LTBR: variants seen among roughly 807,000 people sequenced by gnomAD.
LTBR encodes the protein tumor necrosis factor receptor superfamily member 3.
LTBR carries 15 observed loss-of-function variants against 45.4 expected under a neutral mutation model. The ratio of observed to expected loss-of-function variants is 0.33; its 90% CI spans 0.22 to 0.51. The LOEUF is 0.51. LTBR is among the 20% of genes least tolerant of loss of function. The probability of loss-of-function intolerance (pLI) is 0.97; values close to 1 mark genes in which losing one functional copy is unlikely to be tolerated. For missense variants in LTBR, 450 were observed against 565.5 expected, an observed-to-expected ratio of 0.80 and a Z score of 2.07; for synonymous variants, 228 against 231.0, an observed-to-expected ratio of 0.99 and a Z score of 0.12.
chr12:6,388,837 G>A lies in LTBR; in HGVS notation c.801+12G>A, dbSNP rs765883760. 4 of 1,614,018 alleles carry A rather than the reference G, an allele frequency of 2.5e-6. No individual in the cohort carries two copies. Among genetic ancestry groups the A allele is most frequent in the East Asian group, 2.2e-5 (1 of 44,884 alleles). Reference sequence around the variant, plus strand: ...AGAGGCGTCCGCAGGTAATGGCGGGGGCTGAGAAGGCAGCAAGAAGGGGAA... The same window carrying A: ...AGAGGCGTCCGCAGGTAATGGCGGGAGCTGAGAAGGCAGCAAGAAGGGGAA... On this transcript the variant is annotated intron_variant, in intron 8 of 9. Coordinates refer to ENST00000228918, the MANE Select transcript of LTBR (RefSeq NM_002342.3). This position sits in a 1 kb window ranked among gnomAD's most constrained non-coding sequence, Gnocchi z 4.3.
Position 6,386,022 on chromosome 12 carries a change from C to T in LTBR, c.473-44C>T, listed in dbSNP as rs377581369. 2.1e-6 allele frequency: 3 copies of T among 1,400,698 alleles called. No individual in the cohort carries two copies. Among genetic ancestry groups the T allele is most frequent in the Non-Finnish European group, 3.0e-6 (3 of 986,610 alleles). The allele number at this position is 1,400,698 out of a possible 1,614,324, so 86.8% of individuals were successfully genotyped here. Reference sequence around the variant, plus strand: ...CTCACAGGCCGGCAAAGGGCCCCTCCCTTTTGCCCATTCACCCTGGCTGGC... The same window carrying T: ...CTCACAGGCCGGCAAAGGGCCCCTCTCTTTTGCCCATTCACCCTGGCTGGC... On this transcript the variant is annotated intron_variant, in intron 4 of 9. Transcript: ENST00000228918. The surrounding 1 kb of genome is among the most constrained non-coding windows in gnomAD (Gnocchi z 4.1).
intron 9 of LTBR, 51 bp downstream of exon 9, chr12:6,390,391 T>A: frequency 6.8e-7 from 1 of 1,464,912 alleles, no homozygotes. Flanking sequence ...GAGGGATGGC[T>A]GGCAGGGAGA....
In LTBR at chr12:6,384,604, C is replaced by G. The variant is rs1403810711; in HGVS notation, c.113C>G (p.Ser38Trp). Residue 38 changes from serine (S) to tryptophan (W), a missense_variant, in exon 2 of 10, where the codon TCG (serine) becomes TGG (tryptophan). By Grantham distance (177) the Ser-to-Trp change is radical. Transcript: ENST00000228918. ...CCTTTGAAGGTGCCTCCATATGCGT[C>G]GGAGAACCAGACCTGCAGGGACCAG... ...SQPQAVPPYA[S>W]ENQTCRDQEK... 6.2e-7 allele frequency: 1 copy of G among 1,614,126 alleles called. No homozygotes were observed. Among genetic ancestry groups the G allele is most frequent in the South Asian group, 1.1e-5 (1 of 91,070 alleles).
At chr12:6,387,955 T>C in intron 6 of LTBR, 1 of 404,366 alleles carries the variant, frequency 2.5e-6, no homozygotes, top group Non-Finnish European at 5.0e-6. Flanking sequence ...CAGCAGCCCC[T>C]CTGTACAATG....
chr12:6,386,055 TC>T lies in LTBR; in HGVS notation c.473-10del, dbSNP rs760999527. ...CCATTCACCCTGGCTGGCCTGCCTT[TC>T]TCTTGCCAGATGAAGTTGGGAAGGG... is the stretch of plus-strand genomic sequence containing the variant. On this transcript the variant is annotated splice_polypyrimidine_tract_variant and intron_variant, in intron 4 of 9. Coordinates refer to ENST00000228918, the MANE Select transcript of LTBR (RefSeq NM_002342.3). This position sits in a 1 kb window ranked among gnomAD's most constrained non-coding sequence, Gnocchi z 4.1. 1.2e-6 allele frequency: 2 copies of T among 1,607,894 alleles called. No individual in the cohort carries two copies. Among genetic ancestry groups the T allele is most frequent in the Admixed American group, 3.3e-5 (2 of 60,020 alleles).
chr12:6,375,539 C>A, exon 1 of LTBR: 1 of 1,535,312 alleles, frequency 6.5e-7, no homozygotes, highest in South Asian at 1.2e-5. Flanking sequence ...GGGAGCCCGC[C>A]CGCTGGCCGG....
At chr12:6,381,406 C>T (rs772923057), upstream of LTBR, among the ~76,000 whole-genome samples, 1 of 152,192 alleles carries the variant, frequency 6.6e-6, no homozygotes, top group Non-Finnish European at 1.5e-5. Flanking sequence ...ATCCCACCTC[C>T]ATCCCACAGA....
At chr12:6,382,774 G>C (rs1001966316), upstream of LTBR, among the ~76,000 whole-genome samples, 17 of 152,314 alleles carry the variant, frequency 1.1e-4, no homozygotes, top group African/African-American at 3.6e-4. Context: ...ACAGACCAGT[G>C]TAAGGACGAG....
rs1352068309 is a variant in LTBR at position 6,384,471 on chromosome 12, G to T, written c.96+17G>T. ...CCCCAGGCGGTGAGGAAGGGGCCTG[G>T]TAGGAGTGGGCGAGGGTGGGCAAGA... On this transcript the variant is annotated intron_variant, in intron 1 of 9. Transcript: ENST00000228918. 5.1e-6 allele frequency: 8 copies of T among 1,567,488 alleles called. No individual in the cohort carries two copies. The highest frequency in any genetic ancestry group is 6.9e-6 in the Non-Finnish European group (8 of 1,157,136).
At chr12:6,383,859 G>A (rs1949007442), upstream of LTBR, among the ~76,000 whole-genome samples, 2 of 152,178 alleles carry the variant, frequency 1.3e-5, no homozygotes, top group South Asian at 4.1e-4. Context: ...CCCGCACCCA[G>A]CTGTCCCTTG....
At position 6,386,711 on chromosome 12, in the gene LTBR, G is replaced by A; in HGVS notation, c.667+267G>A. On this transcript the variant is annotated intron_variant, in intron 6 of 9. Coordinates refer to ENST00000228918, the MANE Select transcript of LTBR (RefSeq NM_002342.3). This position sits in a 1 kb window ranked among gnomAD's most constrained non-coding sequence, Gnocchi z 4.1. Reference sequence around the variant, plus strand: ...CTGAGATGTAATGATAACTACTATTGTCATCATTTTGGGCTTACCAACATT... The same window carrying A: ...CTGAGATGTAATGATAACTACTATTATCATCATTTTGGGCTTACCAACATT... The A allele has an allele frequency of 2.6e-6, 1 of 384,802 alleles. No individual in the cohort carries two copies. Among genetic ancestry groups the A allele is most frequent in the Non-Finnish European group, 4.7e-6 (1 of 213,750 alleles). The allele number at this position is 384,802 out of a possible 1,614,324, so 23.8% of individuals were successfully genotyped here. A position where few individuals can be genotyped will look rare whatever the true frequency, so the allele number is the denominator to read the frequency against.
chr12:6,377,593 C>T, intron 1 of LTBR: 1 of 1,100,038 alleles, frequency 9.1e-7, no homozygotes, highest in South Asian at 1.3e-5. Flanking sequence ...GAAAAGGTCT[C>T]TGCACTGTCC....
chr12:6,389,847 C>G, intron 8 of LTBR: 1 of 394,086 alleles, frequency 2.5e-6, no homozygotes. Flanking sequence ...CCCAGCTACT[C>G]AGGAGGCTGA....
chr12:6,386,550 T>A lies in LTBR; in HGVS notation c.667+106T>A, dbSNP rs991362409. On this transcript the variant is annotated intron_variant, in intron 6 of 9. Transcript: ENST00000228918. This position sits in a 1 kb window ranked among gnomAD's most constrained non-coding sequence, Gnocchi z 4.1. Reference sequence around the variant, plus strand: ...AAAGATGAACACTTCCCTCCCAGAATTGGGCAAGAAGAAAGTTCCTTACAG... The same window carrying A: ...AAAGATGAACACTTCCCTCCCAGAAATGGGCAAGAAGAAAGTTCCTTACAG... 4 of 875,098 alleles carry A rather than the reference T, an allele frequency of 4.6e-6. No individual in the cohort carries two copies. The highest frequency in any genetic ancestry group is 5.0e-4 in the Middle Eastern group (2 of 4,004). 54.2% of individuals were successfully genotyped at this position (875,098 alleles called of 1,614,324 possible). A position where few individuals can be genotyped will look rare whatever the true frequency, so the allele number is the denominator to read the frequency against.
chr12:6,384,850 C>G (rs1949020512), intron 2 of LTBR, 166 bp downstream of exon 2: 1 of 1,004,056 alleles, frequency 1.0e-6, no homozygotes, highest in Admixed American at 2.1e-5. Context: ...GGGACTGGCC[C>G]TCCCCACTGG....
upstream of LTBR, among the ~76,000 whole-genome samples, chr12:6,379,704 G>C (rs899949653): frequency 1.3e-5 from 2 of 152,160 alleles, no homozygotes; most frequent in African/African-American, 4.8e-5. Context: ...GCCGAGGCGG[G>C]TGGATCATGA....
At chr12:6,375,547 C>T (rs776185619) in exon 1 of LTBR, 86 of 1,534,822 alleles carry the variant, frequency 5.6e-5, no homozygotes, top group Non-Finnish European at 7.0e-5. Context: ...GCCCGCTGGC[C>T]GGCCAGGGAT....
At chr12:6,385,546 T>C (rs1337287657) in intron 4 of LTBR, 167 bp downstream of exon 4, 1 of 819,722 alleles carries the variant, frequency 1.2e-6, no homozygotes, top group African/African-American at 1.7e-5. Context: ...TGGAGGGACA[T>C]GGAACTGGGA....
At chr12:6,387,743 A>G (rs1011313087) in intron 6 of LTBR, 1 of 359,156 alleles carries the variant, frequency 2.8e-6, no homozygotes, top group South Asian at 2.0e-5. Flanking sequence ...ACCCACTGCT[A>G]CAGATCACAG....
Sources: gnomAD v4.1 joint callset for allele counts (sites outside exome capture counted in the v4.1 genomes callset) on GRCh38, gnomAD v4.1.1 for gene constraint, Gnocchi (gnomAD v3.1) non-coding constraint, MANE v1.5 for transcripts, NCBI Gene and HGNC (gene_info 2026-07-23, HGNC 2026-07-21) for gene names.